TM9SF4: variants seen among roughly 807,000 people sequenced by gnomAD.
TM9SF4 encodes the protein dinucleotide oxidase disulfide thiol exchanger 3 superfamily member 4.
A neutral mutation model predicts 90.4 loss-of-function variants in TM9SF4; 26 were observed. The observed-to-expected ratio is 0.29, with a 90% CI of 0.21 to 0.40. The LOEUF is 0.40. Ranked by LOEUF, TM9SF4 falls within the 10% of genes least tolerant of loss-of-function variation. The pLI, the probability that TM9SF4 is intolerant of heterozygous loss-of-function variation, is 1.00. For missense variants in TM9SF4, 549 were observed against 834.8 expected, an observed-to-expected ratio of 0.66 and a Z score of 4.22; for synonymous variants, 293 against 315.4, an observed-to-expected ratio of 0.93 and a Z score of 0.75.
intron 2 of TM9SF4, among the ~76,000 whole-genome samples, chr20:32,133,910 G>C (rs535299180): frequency 6.6e-6 from 1 of 152,038 alleles, no homozygotes; most frequent in South Asian, 2.1e-4. Flanking sequence ...AGGCTAAAGT[G>C]ATCCTTCTGC....
At chr20:32,134,338 C>T (rs1279882622) in intron 2 of TM9SF4, among the ~76,000 whole-genome samples, 3 of 152,140 alleles carry the variant, frequency 2.0e-5, no homozygotes, top group Non-Finnish European at 4.4e-5. Flanking sequence ...TTCTCATTGT[C>T]CTGAGTGAGA....
At chr20:32,136,901 C>G in intron 3 of TM9SF4, 1 of 471,222 alleles carries the variant, frequency 2.1e-6, no homozygotes, top group Non-Finnish European at 4.4e-6. Flanking sequence ...AGAACTGGTT[C>G]TTGAGCAAGC....
intron 6 of TM9SF4, among the ~76,000 whole-genome samples, chr20:32,144,175 A>G (rs2046725093): frequency 6.6e-6 from 1 of 151,986 alleles, no homozygotes; most frequent in South Asian, 2.1e-4. Flanking sequence ...CAAACTCCGG[A>G]CCTCGTGATC....
chr20:32,131,416 C>T (rs906014416), intron 1 of TM9SF4, among the ~76,000 whole-genome samples: 1 of 152,058 alleles, frequency 6.6e-6, no homozygotes, highest in Non-Finnish European at 1.5e-5. Context: ...GGTCAGTCTA[C>T]ATTTTTGGCA....
intron 6 of TM9SF4, 138 bp from the exon 7 acceptor site, chr20:32,144,953 C>A: frequency 1.4e-6 from 1 of 714,048 alleles, no homozygotes; most frequent in Non-Finnish European, 2.5e-6. Context: ...CCATTGTTGC[C>A]CATTGTGCTC....
At chr20:32,120,349 A>C in intron 1 of TM9SF4, among the ~76,000 whole-genome samples, 1 of 150,068 alleles carries the variant, frequency 6.7e-6, no homozygotes, top group Middle Eastern at 3.5e-3. Context: ...TCCTTTTAAA[A>C]ATATATATTC....
Position 32,145,188 on chromosome 20 carries a change from C to T in TM9SF4, c.750C>T (p.Phe250=), listed in dbSNP as rs2046745007. ...CCACCAAGGAGAATCAGCTGTACTT[C>T]ACCTACTCTGTCCACTGGGAGGTGA... is the stretch of plus-strand genomic sequence containing the variant. ...IDPTKENQLY[F]TYSVHWEESD... is the part of the protein sequence containing the mutation. The change falls in exon 7 of 18, where the codon TTC becomes TTT. Residue 250 remains phenylalanine (F), a synonymous_variant. Coordinates refer to ENST00000398022, the MANE Select transcript of TM9SF4 (RefSeq NM_014742.4). 1 of 1,614,104 alleles carries T rather than the reference C, an allele frequency of 6.2e-7. No individual in the cohort carries two copies. The highest frequency in any genetic ancestry group is 8.5e-7 in the Non-Finnish European group (1 of 1,180,044).
chr20:32,119,758 C>T (rs1174821185), intron 1 of TM9SF4, among the ~76,000 whole-genome samples: 3 of 151,974 alleles, frequency 2.0e-5, no homozygotes, highest in African/African-American at 7.2e-5. Context: ...CCCAAGATCA[C>T]AATGATTTCT....
intron 15 of TM9SF4, 106 bp from the exon 16 acceptor site, chr20:32,159,886 T>G: frequency 1.3e-6 from 2 of 1,495,518 alleles, no homozygotes; most frequent in Non-Finnish European, 1.8e-6. Flanking sequence ...CGGGCCCTGA[T>G]GGTGTCATGA....
rs370489870 is a variant in TM9SF4 at position 32,167,197 on chromosome 20, A to T, written c.*1753A>T. The T allele has an allele frequency of 1.6e-4, 24 of 152,090 alleles. No homozygotes were observed. Among genetic ancestry groups the T allele is most frequent in the African/African-American group, 1.9e-4 (8 of 41,390 alleles). 9.4% of individuals were successfully genotyped at this position (152,090 alleles called of 1,614,324 possible). A position where few individuals can be genotyped will look rare whatever the true frequency, so the allele number is the denominator to read the frequency against. On this transcript the variant is annotated 3_prime_UTR_variant, in exon 18 of 18. Coordinates refer to ENST00000398022, the MANE Select transcript of TM9SF4 (RefSeq NM_014742.4). ...ATCATTATCATTATTATTTTTAATTAAAAAAATGCCTGTATGCCTTTTTTT... is the reference window on the plus strand; with the variant it reads ...ATCATTATCATTATTATTTTTAATTTAAAAAATGCCTGTATGCCTTTTTTT...
At chr20:32,140,857 G>A (rs1569079500) in intron 3 of TM9SF4, among the ~76,000 whole-genome samples, 4 of 152,076 alleles carry the variant, frequency 2.6e-5, no homozygotes, top group African/African-American at 9.7e-5. Context: ...TGGGCTTCTG[G>A]GGAGGCCAGG....
chr20:32,140,181 G>T lies in TM9SF4; in HGVS notation c.230-1316G>T, dbSNP rs369888180. On this transcript the variant is annotated intron_variant, in intron 3 of 17. Coordinates refer to ENST00000398022, the MANE Select transcript of TM9SF4 (RefSeq NM_014742.4). ...AAAAGTGCGAGACCAAGTGCATGTGGAGGTGTTAATTAGTCTTCATCTTGT... is the reference window on the plus strand; with the variant it reads ...AAAAGTGCGAGACCAAGTGCATGTGTAGGTGTTAATTAGTCTTCATCTTGT... Among the ~76,000 whole-genome samples, 7 of 152,214 alleles carry T rather than the reference G, an allele frequency of 4.6e-5. No individual in the cohort carries two copies. In the South Asian group the frequency reaches 6.2e-4, roughly 14 times the overall value.
intron 2 of TM9SF4, 123 bp downstream of exon 2, chr20:32,133,249 A>C: frequency 1.4e-6 from 1 of 739,588 alleles, no homozygotes; most frequent in Non-Finnish European, 2.1e-6. Flanking sequence ...TTACCCCGGA[A>C]CTCTGCCTCT....
At chr20:32,134,642 G>A (rs1409701160) in intron 2 of TM9SF4, among the ~76,000 whole-genome samples, 1 of 151,606 alleles carries the variant, frequency 6.6e-6, no homozygotes, top group African/African-American at 2.4e-5. Context: ...ATACCACATT[G>A]CCTTCTAAAA....
intron 15 of TM9SF4, 37 bp from the exon 16 acceptor site, chr20:32,159,955 T>C: frequency 6.2e-7 from 1 of 1,613,492 alleles, no homozygotes; most frequent in Non-Finnish European, 8.5e-7. Context: ...GGGAGCAGGG[T>C]GGTCAAGCCA....
chr20:32,136,567 G>A (rs1403907033), intron 3 of TM9SF4, among the ~76,000 whole-genome samples: 2 of 152,186 alleles, frequency 1.3e-5, no homozygotes, highest in African/African-American at 4.8e-5. Context: ...TGGAAAGAGA[G>A]AGCGAGTGCC....
At chr20:32,115,852 C>T (rs1324213450) in intron 1 of TM9SF4, among the ~76,000 whole-genome samples, 9 of 110,544 alleles carry the variant, frequency 8.1e-5, no homozygotes, top group Non-Finnish European at 1.2e-4. Context: ...CTCACTCTGT[C>T]GCCCAGGGTG....
At chr20:32,137,726 C>T (rs1490017892) in intron 3 of TM9SF4, among the ~76,000 whole-genome samples, 1 of 152,176 alleles carries the variant, frequency 6.6e-6, no homozygotes, top group Non-Finnish European at 1.5e-5. Context: ...CATCATCATC[C>T]TCATCATCAT....
chr20:32,155,309 T>C, intron 13 of TM9SF4, 123 bp downstream of exon 13: 4 of 872,294 alleles, frequency 4.6e-6, no homozygotes. Context: ...AGAGTTACGT[T>C]CCCAGCCATG....
Sources: allele counts gnomAD v4.1 joint callset (sites outside exome capture counted in the v4.1 genomes callset), GRCh38; gene constraint gnomAD v4.1.1; transcripts MANE v1.5; gene names NCBI Gene and HGNC (gene_info 2026-07-23, HGNC 2026-07-21).